KAZN: variants seen among roughly 807,000 people sequenced by gnomAD.
KAZN encodes kazrin, periplakin interacting protein.
In KAZN, 40 loss-of-function variants were observed where a neutral mutation model predicts 87.4. The ratio of observed to expected loss-of-function variants is 0.46; its 90% CI spans 0.36 to 0.60. The LOEUF is 0.60. Among genes scored for constraint, KAZN ranks in the 20% least tolerant of loss-of-function variants. The pLI is 0.00. For synonymous variants in KAZN, 466 were observed against 458.3 expected, an observed-to-expected ratio of 1.02 and a Z score of -0.22; for missense variants, 898 against 1,073.9, an observed-to-expected ratio of 0.84 and a Z score of 2.29.
intron 1 of KAZN, among the ~76,000 whole-genome samples, chr1:14,766,954 T>A (rs893871309): frequency 6.6e-6 from 1 of 151,858 alleles, no homozygotes; most frequent in African/African-American, 2.4e-5. Context: ...TAGGGGAAAA[T>A]AAGGGCTGGA....
chr1:14,496,435 C>G (rs1026584594), intron 2 of KAZN, among the ~76,000 whole-genome samples: 1 of 152,094 alleles, frequency 6.6e-6, no homozygotes, highest in African/African-American at 2.4e-5. Flanking sequence ...GACTCGTTAA[C>G]CACAGTGTTA....
At chr1:14,240,768 A>G (rs1648867075) in intron 2 of KAZN, among the ~76,000 whole-genome samples, 1 of 152,204 alleles carries the variant, frequency 6.6e-6, no homozygotes, top group South Asian at 2.1e-4. Context: ...TTCTACACCT[A>G]TGTCACAGGC....
intron 1 of KAZN, among the ~76,000 whole-genome samples, chr1:13,931,692 T>A (rs935659836): frequency 6.6e-6 from 1 of 152,196 alleles, no homozygotes; most frequent in African/African-American, 2.4e-5. Flanking sequence ...TGTGTGTGTG[T>A]GTATTTGGCC....
chr1:14,467,846 C>A (rs1238066409), intron 2 of KAZN, among the ~76,000 whole-genome samples: 1 of 152,160 alleles, frequency 6.6e-6, no homozygotes, highest in Non-Finnish European at 1.5e-5. Context: ...GGCTTAGCAA[C>A]TCCAATAGAA....
intron 4 of KAZN, among the ~76,000 whole-genome samples, chr1:15,045,813 A>G (rs1044130224): frequency 3.3e-5 from 5 of 152,204 alleles, no homozygotes; most frequent in Admixed American, 1.3e-4. Context: ...ATGAACCATC[A>G]GATCTCGTTA....
chr1:14,928,371 C>G (rs1219634867), intron 1 of KAZN, among the ~76,000 whole-genome samples: 3 of 151,922 alleles, frequency 2.0e-5, no homozygotes, highest in African/African-American at 7.3e-5. Flanking sequence ...GTGTCATGAA[C>G]CTGGGAGGCG....
intron 1 of KAZN, among the ~76,000 whole-genome samples, chr1:14,601,425 A>G (rs1676970829): frequency 6.6e-6 from 1 of 151,638 alleles, no homozygotes; most frequent in East Asian, 1.9e-4. Context: ...TAGCCTCTGT[A>G]AGTTTGGGGG....
chr1:14,236,209 G>A (rs1023029321), intron 2 of KAZN, among the ~76,000 whole-genome samples: 3 of 152,102 alleles, frequency 2.0e-5, no homozygotes, highest in Admixed American at 6.5e-5. Flanking sequence ...GTGGCTTTAG[G>A]CTCCAGCTCC....
intron 2 of KAZN, chr1:14,304,688 G>A (rs1054080137): frequency 2.5e-6 from 1 of 398,244 alleles, no homozygotes; most frequent in African/African-American, 2.1e-5. Context: ...CATTCCCAGG[G>A]GTACATCTGA....
At chr1:13,959,168 CCA>C (rs1270944236) in intron 1 of KAZN, among the ~76,000 whole-genome samples, 3 of 152,174 alleles carry the variant, frequency 2.0e-5, no homozygotes, top group Non-Finnish European at 4.4e-5. Context: ...AGAAGAGACC[CCA>C]GAGAGCTAGC....
intron 2 of KAZN, among the ~76,000 whole-genome samples, chr1:14,592,939 A>T (rs1442571301): frequency 6.6e-6 from 1 of 152,140 alleles, no homozygotes; most frequent in Non-Finnish European, 1.5e-5. Flanking sequence ...TTCTGATAGG[A>T]TAGGAGAGAA....
chr1:14,988,443 A>C (rs1178498651), intron 2 of KAZN, among the ~76,000 whole-genome samples: 1 of 152,218 alleles, frequency 6.6e-6, no homozygotes, highest in Non-Finnish European at 1.5e-5. Flanking sequence ...GCCGCCTGGC[A>C]GCTCCACCCG....
chr1:14,827,057 C>G, intron 1 of KAZN, among the ~76,000 whole-genome samples: 1 of 152,186 alleles, frequency 6.6e-6, no homozygotes, highest in Non-Finnish European at 1.5e-5. Context: ...CTGCGCACAT[C>G]AGGCAGTTCT....
intron 2 of KAZN, among the ~76,000 whole-genome samples, chr1:14,241,318 A>C (rs893045341): frequency 8.5e-5 from 13 of 152,172 alleles, no homozygotes; most frequent in Non-Finnish European, 1.9e-4. Context: ...GTGAAAGTCA[A>C]TAGCAATTAG....
intron 1 of KAZN, among the ~76,000 whole-genome samples, chr1:14,114,170 T>C (rs1197073316): frequency 6.6e-6 from 1 of 152,186 alleles, no homozygotes; most frequent in Admixed American, 6.5e-5. Flanking sequence ...CCTGGACCGA[T>C]TCAGTGCCTG....
At chr1:14,344,163 CTTTTTT>C (rs55837460) in intron 2 of KAZN, among the ~76,000 whole-genome samples, 7 of 122,636 alleles carry the variant, frequency 5.7e-5, no homozygotes, top group African/African-American at 1.8e-4. Context: ...TTCATGTATT[CTTTTTT>C]TTTTTTTTTT....
intron 2 of KAZN, among the ~76,000 whole-genome samples, chr1:14,482,003 T>G (rs1013680618): frequency 1.3e-5 from 2 of 152,144 alleles, no homozygotes; most frequent in Non-Finnish European, 2.9e-5. Context: ...CAGAGTGGCT[T>G]AGGGACATGG....
Position 15,023,529 on chromosome 1 carries a change from C to T in KAZN, c.419-11220C>T, listed in dbSNP as rs372350540. 1.7e-3 allele frequency among the ~76,000 whole-genome samples: 262 copies of T among 151,774 alleles called. 2 individuals are homozygous for T. Among genetic ancestry groups the T allele is most frequent in the African/African-American group, 6.1e-3 (252 of 41,366 alleles). On this transcript the variant is annotated intron_variant, in intron 2 of 14. Coordinates refer to ENST00000376030, the MANE Select transcript of KAZN (RefSeq NM_201628.3). ...AGCCAGGAGGCCAGGGCAGCTTCCC[C>T]GGAATGTGAGCTGGGGGAGGATGGG...
At chr1:14,300,838 A>AG (rs1291861619) in intron 2 of KAZN, among the ~76,000 whole-genome samples, 1 of 152,168 alleles carries the variant, frequency 6.6e-6, no homozygotes, top group Non-Finnish European at 1.5e-5. Context: ...GTGCATCCCT[A>AG]GGACGTATCC....
Sources: allele counts gnomAD v4.1 joint callset (sites outside exome capture counted in the v4.1 genomes callset), GRCh38; gene constraint gnomAD v4.1.1; transcripts MANE v1.5; gene names NCBI Gene and HGNC (gene_info 2026-07-23, HGNC 2026-07-21).